WDR91: variants seen among roughly 807,000 people sequenced by gnomAD.
The protein encoded by WDR91 is WD repeat domain 91, also known as WD repeat-containing protein 91.
Under a neutral mutation model 88.4 loss-of-function variants are expected in WDR91, and 52 were observed. The ratio of observed to expected loss-of-function variants is 0.59; its 90% CI spans 0.47 to 0.74. WDR91 has a LOEUF of 0.74. Ranked by LOEUF, WDR91 falls within the 30% of genes least tolerant of loss-of-function variation. WDR91 has a pLI of 0.00. For synonymous variants in WDR91, 362 were observed against 389.5 expected, an observed-to-expected ratio of 0.93 and a Z score of 0.83; for missense variants, 824 against 954.5, an observed-to-expected ratio of 0.86 and a Z score of 1.80.
At position 135,193,690 on chromosome 7, in the gene WDR91, G is replaced by T. The variant is rs748504592; in HGVS notation, c.1396-18C>A. 1.9e-6 allele frequency: 3 copies of T among 1,609,672 alleles called. No homozygotes were observed. Among genetic ancestry groups the T allele is most frequent in the South Asian group, 2.2e-5 (2 of 90,634 alleles). On this transcript the variant is annotated intron_variant, in intron 9 of 14. Coordinates refer to ENST00000354475, the MANE Select transcript of WDR91 (RefSeq NM_014149.4). ...AGCAAGAGCTGGAATGACAAGGGGC[G>T]GGAGGTGGGAAGGATAGCATGGAGT...
intron 14 of WDR91, 30 bp from the exon 15 acceptor site, chr7:135,186,345 G>A (rs1830940671): frequency 1.2e-6 from 2 of 1,604,258 alleles, no homozygotes; most frequent in Non-Finnish European, 8.5e-7. Context: ...AGGAGGAGGT[G>A]TCAGCAAACA....
intron 11 of WDR91, among the ~76,000 whole-genome samples, chr7:135,191,121 C>T (rs1277650143): frequency 1.3e-5 from 2 of 152,126 alleles, no homozygotes; most frequent in East Asian, 3.8e-4. Context: ...GCTAATGTCC[C>T]GGTCTCAGCA....
rs770462556 is a variant in WDR91 at position 135,198,052 on chromosome 7, G to A, written c.991C>T (p.Arg331Trp). The change falls in exon 7 of 15, where the codon CGG becomes TGG. Residue 331 changes from arginine (R) to tryptophan (W), a missense_variant. Arg to Trp is a moderately radical substitution (Grantham distance 101). Transcript: ENST00000354475. Reference protein sequence around the residue: ...GESGWSQHRQRRLQDHGKERK... With the variant: ...GESGWSQHRQWRLQDHGKERK... ...TCCTTGCCATGGTCCTGCAGGCGCC[G>A]CTGCCGGTGCTGTGACCAACCGGAC... 68 of 1,614,040 alleles carry A rather than the reference G, an allele frequency of 4.2e-5. No homozygotes were observed. The highest frequency in any genetic ancestry group is 4.2e-5 in the Non-Finnish European group (50 of 1,180,032).
At chr7:135,186,888 G>A (rs964998207) in intron 14 of WDR91, 84 bp downstream of exon 14, 6 of 1,530,610 alleles carry the variant, frequency 3.9e-6, no homozygotes, top group East Asian at 2.2e-5. Flanking sequence ...AGAGGGCCTC[G>A]CTCAGTAGCC....
At position 135,202,250 on chromosome 7, in the gene WDR91, C is replaced by T. The variant is rs147874823; in HGVS notation, c.891+2018G>A. The T allele has an allele frequency of 2.4e-4, 37 of 152,368 alleles. No homozygotes were observed. In the East Asian group the frequency reaches 6.7e-3, roughly 28 times the overall value. The allele number at this position is 152,368 out of a possible 1,614,324, so 9.4% of individuals were successfully genotyped here. A position where few individuals can be genotyped will look rare whatever the true frequency, so the allele number is the denominator to read the frequency against. ...AGCAGGAGGTAGGCCAGACGACCTTCAAGCTTCCCTCTAAAATTCTGTGAT... is the reference window on the plus strand; with the variant it reads ...AGCAGGAGGTAGGCCAGACGACCTTTAAGCTTCCCTCTAAAATTCTGTGAT... On this transcript the variant is annotated intron_variant, in intron 6 of 14. Coordinates refer to ENST00000354475, the MANE Select transcript of WDR91 (RefSeq NM_014149.4).
At position 135,205,911 on chromosome 7, in the gene WDR91, C is replaced by T. The variant is rs1831754393; in HGVS notation, c.725+17G>A. 6.2e-7 allele frequency: 1 copy of T among 1,612,576 alleles called. No individual in the cohort carries two copies. The highest frequency in any genetic ancestry group is 8.5e-7 in the Non-Finnish European group (1 of 1,179,936). ...ACAGAGGGCAAAGAAAAGGAAAGGG[C>T]CGTCACACACACTCACAGTTCCGAG... On this transcript the variant is annotated intron_variant, in intron 5 of 14. Coordinates refer to ENST00000354475, the MANE Select transcript of WDR91 (RefSeq NM_014149.4).
In WDR91 at chr7:135,186,164, G is replaced by A. The variant is rs1830930780; in HGVS notation, c.2231C>T (p.Ala744Val). Residue 744 changes from alanine to valine, a missense_variant, in exon 15 of 15, where the codon GCC (alanine) becomes GTC (valine). Transcript: ENST00000354475. Reference protein sequence around the residue: ...DGKIKLTTLLAHKA With the variant: ...DGKIKLTTLLVHKA ...TGGGGCAAGTCATCAGGCTTTATGG[G>A]CCAGGAGGGTGGTCAGCTTGATCTT... The A allele has an allele frequency of 6.2e-7, 1 of 1,604,134 alleles. No homozygotes were observed. Among genetic ancestry groups the A allele is most frequent in the Admixed American group, 1.7e-5 (1 of 57,906 alleles).
In WDR91 at chr7:135,193,605, T is replaced by G; in HGVS notation, c.1463A>C (p.Glu488Ala). 6.2e-7 allele frequency: 1 copy of G among 1,614,212 alleles called. No individual in the cohort carries two copies. The highest frequency in any genetic ancestry group is 8.5e-7 in the Non-Finnish European group (1 of 1,180,032). The change falls in exon 10 of 15, where the codon GAA (glutamate) becomes GCA (alanine). Residue 488 changes from glutamate (E) to alanine (A), a missense_variant. Transcript: ENST00000354475. ...GGGCATGTTGTCGTTGATATTGATT[T>G]CACAGAGATTCTTCTTGGCTTCCGT... ...YDTEAKKNLC[E>A]ININDNMPRI... is the part of the protein sequence containing the mutation.
rs150971399 is a variant in WDR91, at chr7:135,193,360, G to A, written c.1530C>T (p.Phe510=). The A allele has an allele frequency of 3.5e-5, 57 of 1,614,116 alleles. No individual in the cohort carries two copies. The highest frequency in any genetic ancestry group is 4.6e-5 in the Non-Finnish European group (54 of 1,180,058). Reference sequence around the variant, plus strand: ...GGCTCGGAGCTGCTGCCGAACAGACGAAAGAGGCCCCGTTGGGGCTGCACG... The same window carrying A: ...GGCTCGGAGCTGCTGCCGAACAGACAAAAGAGGCCCCGTTGGGGCTGCACG... The part of the protein sequence containing the change: ...SLACSPNGAS[F]VCSAAAPSLT... Residue 510 remains phenylalanine, a synonymous_variant, in exon 11 of 15, where the codon TTC becomes TTT. Transcript: ENST00000354475.
chr7:135,209,489 T>A lies in WDR91; in HGVS notation c.303+87A>T. The A allele has an allele frequency of 2.3e-6, 3 of 1,325,418 alleles. No individual in the cohort carries two copies. In the South Asian group the frequency reaches 4.9e-5, roughly 22 times the overall value. The allele number at this position is 1,325,418 out of a possible 1,614,324, so 82.1% of individuals were successfully genotyped here. On this transcript the variant is annotated intron_variant, in intron 2 of 14. Coordinates refer to ENST00000354475, the MANE Select transcript of WDR91 (RefSeq NM_014149.4). ...CTCTTTCCCATAGTCACATACAGAT[T>A]CCTCCCTAGGAACTGGAAGAAAATC...
At position 135,207,120 on chromosome 7, in the gene WDR91, C is replaced by T. The variant is rs1213392164; in HGVS notation, c.594G>A (p.Lys198=). The T allele has an allele frequency of 6.2e-7, 1 of 1,603,360 alleles. No homozygotes were observed. Residue 198 remains lysine, a splice_region_variant and synonymous_variant, in exon 4 of 15, where the codon AAG becomes AAA. Coordinates refer to ENST00000354475, the MANE Select transcript of WDR91 (RefSeq NM_014149.4). ...AGGAGCAAGCCTGTTCAGAACAAAC[C>T]TTCTGACGCAGAACTTCATTTTCTT... ...VQEENEVLRQ[K]LFALQAEIHR...
intron 2 of WDR91, 189 bp downstream of exon 2, chr7:135,209,386 AG>A: frequency 1.9e-6 from 1 of 513,546 alleles, no homozygotes; most frequent in Non-Finnish European, 3.2e-6. Flanking sequence ...GGGGAAGACA[AG>A]TCAGATGATC....
At chr7:135,202,122 G>A (rs963579633) in intron 6 of WDR91, 6 of 152,302 alleles carry the variant, frequency 3.9e-5, no homozygotes, top group Middle Eastern at 3.4e-3. Context: ...TCATAAAGAA[G>A]TTTCTTCTAA....
chr7:135,193,737 T>A, intron 9 of WDR91, 65 bp from the exon 10 acceptor site: 1 of 1,439,548 alleles, frequency 6.9e-7, no homozygotes, highest in Non-Finnish European at 9.7e-7. Context: ...AGGGAGGATC[T>A]CCAGAGGGGG....
At chr7:135,191,638 T>C (rs1585407875) in intron 11 of WDR91, among the ~76,000 whole-genome samples, 1 of 135,112 alleles carries the variant, frequency 7.4e-6, no homozygotes, top group Admixed American at 7.4e-5. Flanking sequence ...AAGGCAACAG[T>C]ATGACAAAAT....
chr7:135,208,214 C>T (rs1831875248), intron 3 of WDR91, among the ~76,000 whole-genome samples: 1 of 152,188 alleles, frequency 6.6e-6, no homozygotes, highest in Admixed American at 6.5e-5. Context: ...GGAGCTCTGG[C>T]TTGTACACTT....
rs1252906052 is a variant in WDR91, at chr7:135,211,509, GCTAGCGT to G, written c.-14_-8del. The G allele has an allele frequency of 6.2e-7, 1 of 1,610,966 alleles. No homozygotes were observed. The highest frequency in any genetic ancestry group is 1.3e-5 in the African/African-American group (1 of 74,502). On this transcript the variant is annotated 5_prime_UTR_variant, in exon 1 of 15. Transcript: ENST00000354475. ...GCTCCACGGCCTCCGCCATCGCAGC[GCTAGCGT>G]CTTTAGGGGTGGTGCGGTGAGGGAC...
chr7:135,194,992 G>T lies in WDR91; in HGVS notation c.1337C>A (p.Ser446Tyr), dbSNP rs1199094953. 1 of 1,614,022 alleles carries T rather than the reference G, an allele frequency of 6.2e-7. No individual in the cohort carries two copies. Residue 446 changes from serine (S) to tyrosine (Y), a missense_variant, in exon 9 of 15, where the codon TCC becomes TAC. Transcript: ENST00000354475. ...SFNPIMQTKA[S>Y]SISKSPLLSL... ...CAGCAGCGGTGATTTGGAAATGGAG[G>T]ATGCTTTGGTCTGCATGATGGGGTT...
At chr7:135,200,538 A>G (rs1370109018) in intron 6 of WDR91, among the ~76,000 whole-genome samples, 3 of 152,244 alleles carry the variant, frequency 2.0e-5, no homozygotes, top group Non-Finnish European at 2.9e-5. Flanking sequence ...CACGCCTCGC[A>G]TAAGCTGGGC....
Sources: gnomAD v4.1 joint callset for allele counts (sites outside exome capture counted in the v4.1 genomes callset) on GRCh38, gnomAD v4.1.1 for gene constraint, MANE v1.5 for transcripts, NCBI Gene and HGNC (gene_info 2026-07-23, HGNC 2026-07-21) for gene names.